COL5A3: variants seen among roughly 807,000 people sequenced by gnomAD.
COL5A3 encodes collagen type V alpha 3 chain, also known as collagen alpha-3(V) chain.
COL5A3 carries 172 observed loss-of-function variants against 250.0 expected under a neutral mutation model. That is an observed-to-expected ratio of 0.69 (90% CI 0.61 to 0.78). The LOEUF (loss-of-function observed/expected upper bound fraction) is 0.78, where lower values mean the gene tolerates loss of function less well. Ranked by LOEUF, COL5A3 falls within the 30% of genes least tolerant of loss-of-function variation. The pLI is 0.00. For synonymous variants in COL5A3, 937 were observed against 900.4 expected, an observed-to-expected ratio of 1.04 and a Z score of -0.73; for missense variants, 2,340 against 2,334.4, an observed-to-expected ratio of 1.00 and a Z score of -0.05.
At chr19:10,003,749 C>A in intron 5 of COL5A3, 35 bp from the exon 6 acceptor site, 2 of 1,611,756 alleles carry the variant, frequency 1.2e-6, no homozygotes, top group Non-Finnish European at 1.7e-6. Context: ...CTAGAGCATC[C>A]CACCAGCAGA....
intron 64 of COL5A3, among the ~76,000 whole-genome samples, chr19:9,964,482 T>C (rs1370636831): frequency 2.0e-5 from 3 of 151,912 alleles, no homozygotes; most frequent in Non-Finnish European, 4.4e-5. Context: ...CACACCTGTG[T>C]GATGCACAGC....
rs538548662 is a variant in COL5A3 at position 10,003,647 on chromosome 19, C to G, written c.767G>C (p.Gly256Ala). Residue 256 changes from glycine to alanine, a missense_variant, in exon 6 of 67, where the codon GGG becomes GCG. Gly to Ala is a moderately conservative substitution (Grantham distance 60, BLOSUM62 0). Coordinates refer to ENST00000264828, the MANE Select transcript of COL5A3 (RefSeq NM_015719.4). ...CCTGCCCTTCCCCTTGCGACCTCGCCCTTTCTTCCTCCCTTTTCCCTTCCC... is the reference window on the plus strand; with the variant it reads ...CCTGCCCTTCCCCTTGCGACCTCGCGCTTTCTTCCTCCCTTTTCCCTTCCC... The part of the protein sequence containing the change: ...RKGKGKGRKK[G>A]RGRKGKGRKK... 178 of 1,614,100 alleles carry G rather than the reference C, an allele frequency of 1.1e-4. 1 individual carries two copies. The South Asian group carries it at 1.9e-3, about 17-fold the overall frequency.
At chr19:10,003,905 G>A in intron 5 of COL5A3, 136 bp downstream of exon 5, 1 of 1,003,036 alleles carries the variant, frequency 1.0e-6, no homozygotes, top group South Asian at 1.5e-5. Context: ...AGTCATTCAT[G>A]CCTGGGATGT....
At chr19:9,969,793 G>A (rs531121658) in intron 55 of COL5A3, 76 bp downstream of exon 55, 3 of 1,586,518 alleles carry the variant, frequency 1.9e-6, no homozygotes, top group East Asian at 4.5e-5. Context: ...AGTGGTCATA[G>A]GTCCACCCTC....
chr19:9,973,071 G>T, intron 50 of COL5A3, 45 bp from the exon 51 acceptor site: 1 of 1,517,308 alleles, frequency 6.6e-7, no homozygotes. Context: ...GGACTCTCCA[G>T]GGATCAAGGA....
intron 45 of COL5A3, among the ~76,000 whole-genome samples, chr19:9,976,250 G>A (rs2086920527): frequency 6.6e-6 from 1 of 151,762 alleles, no homozygotes; most frequent in Non-Finnish European, 1.5e-5. Context: ...GATTGGGTTG[G>A]GGTTGACTCC....
intron 1 of COL5A3, among the ~76,000 whole-genome samples, chr19:10,006,806 T>G (rs2087450752): frequency 6.6e-6 from 1 of 151,520 alleles, no homozygotes; most frequent in South Asian, 2.1e-4. Flanking sequence ...GGTTACCCCC[T>G]CTGACCTTCT....
chr19:9,994,302 C>A (rs993209618), intron 16 of COL5A3, among the ~76,000 whole-genome samples: 9 of 151,144 alleles, frequency 6.0e-5, no homozygotes, highest in Admixed American at 2.0e-4. Context: ...CCTCAGCCTC[C>A]CAAGTAGCTG....
Position 9,979,391 on chromosome 19 carries a change from A to G in COL5A3, c.2739T>C (p.Pro913=). The G allele has an allele frequency of 1.9e-6, 3 of 1,614,196 alleles. No homozygotes were observed. The highest frequency in any genetic ancestry group is 2.5e-6 in the Non-Finnish European group (3 of 1,180,018). Residue 913 remains proline (P), a synonymous_variant, in exon 38 of 67, where the codon CCT becomes CCC. Coordinates refer to ENST00000264828, the MANE Select transcript of COL5A3 (RefSeq NM_015719.4). The part of the protein sequence containing the change: ...ELGFQGQTGP[P]GPAGVLGPQG... ...GAGGGCCTAAGACACCAGCTGGTCC[A>G]GGCGGGCCTGTCTGACCTTGGAAGC...
At chr19:9,978,823 C>T in intron 40 of COL5A3, 68 bp downstream of exon 40, 1 of 920,632 alleles carries the variant, frequency 1.1e-6, no homozygotes, top group Non-Finnish European at 1.6e-6. Flanking sequence ...TATTCCCCAT[C>T]CCTCCCCTGA....
Position 9,970,946 on chromosome 19 carries a change from A to G in COL5A3, c.3882+29T>C, listed in dbSNP as rs770130222. 3.3e-6 allele frequency: 5 copies of G among 1,538,080 alleles called. No individual in the cohort carries two copies. The South Asian group carries it at 6.3e-5, about 19-fold the overall frequency. ...TCATTAGCTCCCCAACCCCCGCCTC[A>G]GCACCACACCCTCTGTTTTCCCACT... On this transcript the variant is annotated intron_variant, in intron 53 of 66. Transcript: ENST00000264828.
At position 9,972,953 on chromosome 19, in the gene COL5A3, C is replaced by G. The variant is rs1433135800; in HGVS notation, c.3740G>C (p.Gly1247Ala). 1 of 1,611,618 alleles carries G rather than the reference C, an allele frequency of 6.2e-7. No homozygotes were observed. Among genetic ancestry groups the G allele is most frequent in the East Asian group, 2.2e-5 (1 of 44,872 alleles). The change falls in exon 51 of 67, where the codon GGT (glycine) becomes GCT (alanine). Residue 1247 changes from glycine to alanine, a missense_variant. Physicochemically the swap from Gly to Ala is moderately conservative, Grantham distance 60. This residue lies in a region of COL5A3 where 1,179 missense variants were observed against 1,162.6 expected (regional missense o/e 1.01). Coordinates refer to ENST00000264828, the MANE Select transcript of COL5A3 (RefSeq NM_015719.4). The stretch of plus-strand genomic sequence containing the variant: ...TTTGGCTCCATCCTCTCCAGGGGGA[C>G]CTTTCTTGCCTGGGGGTCCAGCAGC... ...SGAAGPPGKK[G>A]PPGEDGAKGS... is the part of the protein sequence containing the mutation.
intron 54 of COL5A3, among the ~76,000 whole-genome samples, 197 bp downstream of exon 54, chr19:9,970,423 TAA>T (rs1568407829): frequency 1.5e-3 from 57 of 38,026 alleles, no homozygotes; most frequent in African/African-American, 9.5e-3. Context: ...GTGGGGGCTG[TAA>T]GGTGAGTGGG....
In COL5A3 at chr19:10,005,582, C is replaced by T. The variant is rs774543729; in HGVS notation, c.570G>A (p.Gln190=). ...SIAGLTVLGT[Q]DLGEKTFEGD... ...CCTCGAAAGTCTTTTCCCCAAGGTC[C>T]TGGGTCCCCAGCACAGTGAGTCCAG... The change falls in exon 4 of 67, where the codon CAG becomes CAA. Residue 190 remains glutamine (Q), a synonymous_variant. Transcript: ENST00000264828. 5.6e-6 allele frequency: 9 copies of T among 1,614,224 alleles called. No individual in the cohort carries two copies. The highest frequency in any genetic ancestry group is 7.6e-6 in the Non-Finnish European group (9 of 1,180,044).
At position 9,966,545 on chromosome 19, in the gene COL5A3, G is replaced by A; in HGVS notation, c.4660C>T (p.Leu1554=). 1.3e-6 allele frequency: 2 copies of A among 1,544,668 alleles called. No homozygotes were observed. The highest frequency in any genetic ancestry group is 1.7e-6 in the Non-Finnish European group (2 of 1,146,844). The change falls in exon 63 of 67, where the codon CTG becomes TTG. Residue 1554 remains leucine, a synonymous_variant. Coordinates refer to ENST00000264828, the MANE Select transcript of COL5A3 (RefSeq NM_015719.4). ...CHELHRNHPH[L]PDGEYWIDPN... The stretch of plus-strand genomic sequence containing the variant: ...GGGGACCGGACCTCACCATCAGGCA[G>A]GTGCGGGTGGTTGCGGTGCAGCTCG...
At chr19:9,996,144 T>C (rs530485241) in intron 14 of COL5A3, 25 bp from the exon 15 acceptor site, 2 of 1,548,866 alleles carry the variant, frequency 1.3e-6, no homozygotes, top group African/African-American at 1.4e-5. Flanking sequence ...GATGGAGGAG[T>C]GTGGGTAGAT....
chr19:9,990,527 G>A (rs769331080), intron 24 of COL5A3, among the ~76,000 whole-genome samples: 7 of 151,822 alleles, frequency 4.6e-5, no homozygotes, highest in African/African-American at 7.3e-5. Flanking sequence ...TACTCCATAA[G>A]TATATACCTA....
At chr19:9,971,143 G>A (rs2086839929) in intron 52 of COL5A3, 62 bp downstream of exon 52, 1 of 1,423,784 alleles carries the variant, frequency 7.0e-7, no homozygotes, top group Non-Finnish European at 9.5e-7. Flanking sequence ...AGGTCTGTGG[G>A]GGTAGGGAGA....
At position 9,995,628 on chromosome 19, in the gene COL5A3, G is replaced by A; in HGVS notation, c.1534-11C>T. On this transcript the variant is annotated splice_polypyrimidine_tract_variant and intron_variant, in intron 15 of 66. Coordinates refer to ENST00000264828, the MANE Select transcript of COL5A3 (RefSeq NM_015719.4). ...CAGGCCTCGGGGACCCTAGAAGAAA[G>A]CAAAAAGGAGGAAGGAAAGGAAAAT... 3 of 1,565,776 alleles carry A rather than the reference G, an allele frequency of 1.9e-6. No individual in the cohort carries two copies. Among genetic ancestry groups the A allele is most frequent in the Admixed American group, 2.0e-5 (1 of 49,258 alleles).
Sources: allele counts gnomAD v4.1 joint callset (sites outside exome capture counted in the v4.1 genomes callset), GRCh38; gene constraint gnomAD v4.1.1; regional missense constraint gnomAD v4.1.1; transcripts MANE v1.5; gene names NCBI Gene and HGNC (gene_info 2026-07-23, HGNC 2026-07-21).